Variants in PXK observed in about 807,000 individuals in gnomAD.
PXK encodes the protein PX domain containing serine/threonine kinase like, also known as PX domain-containing protein kinase-like protein.
In PXK, 35 loss-of-function variants were observed where a neutral mutation model predicts 84.7. The observed-to-expected ratio is 0.41, with a 90% CI of 0.32 to 0.55. The LOEUF is 0.55. Ranked by LOEUF, PXK falls within the 20% of genes least tolerant of loss-of-function variation. The pLI is 0.21. For synonymous variants in PXK, 253 were observed against 260.8 expected, an observed-to-expected ratio of 0.97 and a Z score of 0.29; for missense variants, 634 against 699.7, an observed-to-expected ratio of 0.91 and a Z score of 1.06.
Position 58,425,279 on chromosome 3 carries a change from C to A in PXK, c.*319C>A. Reference sequence around the variant, plus strand: ...CAACTAAAGGAAATAGACAGAAAAACAATGACAATATTCAATCACAGCAGT... The same window carrying A: ...CAACTAAAGGAAATAGACAGAAAAAAAATGACAATATTCAATCACAGCAGT... On this transcript the variant is annotated 3_prime_UTR_variant, in exon 18 of 18. Coordinates refer to ENST00000356151, the MANE Select transcript of PXK (RefSeq NM_017771.5). 1 of 295,678 alleles carries A rather than the reference C, an allele frequency of 3.4e-6. No homozygotes were observed. Among genetic ancestry groups the A allele is most frequent in the Non-Finnish European group, 6.5e-6 (1 of 153,848 alleles). 18.3% of individuals were successfully genotyped at this position (295,678 alleles called of 1,614,324 possible).
rs1427711948 is a variant in PXK, at chr3:58,407,111, T to G, written c.1231-1813T>G. ...AATTCCTCATATGGTAGTTCCATTTTGTAGTTTTTTGAGTCACCTCCATAC... is the reference window on the plus strand; with the variant it reads ...AATTCCTCATATGGTAGTTCCATTTGGTAGTTTTTTGAGTCACCTCCATAC... On this transcript the variant is annotated intron_variant, in intron 13 of 17. Transcript: ENST00000356151. This position sits in a 1 kb window ranked among gnomAD's most constrained non-coding sequence, Gnocchi z 4.3. Among the ~76,000 whole-genome samples, 1 of 152,228 alleles carries G rather than the reference T, an allele frequency of 6.6e-6. No homozygotes were observed. The highest frequency in any genetic ancestry group is 1.5e-5 in the Non-Finnish European group (1 of 68,042).
At chr3:58,396,941 G>T in intron 9 of PXK, 98 bp from the exon 10 acceptor site, 1 of 1,314,134 alleles carries the variant, frequency 7.6e-7, no homozygotes, top group South Asian at 1.5e-5. Flanking sequence ...GACCTGTTTG[G>T]TTTTGTTTCA....
chr3:58,357,742 G>A (rs2098115953), intron 1 of PXK, among the ~76,000 whole-genome samples: 1 of 152,112 alleles, frequency 6.6e-6, no homozygotes, highest in Admixed American at 6.6e-5. Context: ...TTGAGGTAAG[G>A]AGTTACAGAC....
Position 58,397,524 on chromosome 3 carries a change from C to T in PXK, c.985-81C>T. The T allele has an allele frequency of 3.3e-6, 4 of 1,208,068 alleles. No homozygotes were observed. Among genetic ancestry groups the T allele is most frequent in the Non-Finnish European group, 4.9e-6 (4 of 815,056 alleles). 74.8% of individuals were successfully genotyped at this position (1,208,068 alleles called of 1,614,324 possible). ...GGGGCTATCCCTGGGCTTTGTTTCT[C>T]AGAGAAGCCTTGGGGCAGGAGCGCG... On this transcript the variant is annotated intron_variant, in intron 10 of 17. Transcript: ENST00000356151. The surrounding 1 kb of genome is among the most constrained non-coding windows in gnomAD (Gnocchi z 4.7).
intron 3 of PXK, among the ~76,000 whole-genome samples, chr3:58,372,427 A>G (rs1189833869): frequency 1.3e-5 from 2 of 151,704 alleles, no homozygotes; most frequent in Non-Finnish European, 1.5e-5. Context: ...GGTTCACCTC[A>G]TTCTCCTGCC....
rs2060393326 is a variant in PXK, at chr3:58,412,789, C to T, written c.1466-112C>T. The T allele has an allele frequency of 1.9e-6, 2 of 1,077,730 alleles. No individual in the cohort carries two copies. Among genetic ancestry groups the T allele is most frequent in the Non-Finnish European group, 2.9e-6 (2 of 699,080 alleles). 66.8% of individuals were successfully genotyped at this position (1,077,730 alleles called of 1,614,324 possible). ...TCCCTCATCATCTTGTTTCACAAGGCTCACACACTAAGCCAAATGTAGATT... is the reference window on the plus strand; with the variant it reads ...TCCCTCATCATCTTGTTTCACAAGGTTCACACACTAAGCCAAATGTAGATT... On this transcript the variant is annotated intron_variant, in intron 16 of 17. Coordinates refer to ENST00000356151, the MANE Select transcript of PXK (RefSeq NM_017771.5). This position sits in a 1 kb window ranked among gnomAD's most constrained non-coding sequence, Gnocchi z 6.2.
intron 1 of PXK, among the ~76,000 whole-genome samples, chr3:58,344,540 T>C (rs2097784835): frequency 6.6e-6 from 1 of 152,066 alleles, no homozygotes; most frequent in Non-Finnish European, 1.5e-5. Context: ...AGACAAGTGG[T>C]CGGCTGGGCA....
In PXK at chr3:58,412,969, T is replaced by C; in HGVS notation, c.1528+6T>C. On this transcript the variant is annotated splice_donor_region_variant and intron_variant, in intron 17 of 17. Coordinates refer to ENST00000356151, the MANE Select transcript of PXK (RefSeq NM_017771.5). This position sits in a 1 kb window ranked among gnomAD's most constrained non-coding sequence, Gnocchi z 6.2. ...AACTCCACCCTCTACATCAGGTTAGTGATGGAGTAAAGTGACATGCCACCT... is the reference window on the plus strand; with the variant it reads ...AACTCCACCCTCTACATCAGGTTAGCGATGGAGTAAAGTGACATGCCACCT... 1.9e-6 allele frequency: 3 copies of C among 1,613,936 alleles called. No homozygotes were observed. The highest frequency in any genetic ancestry group is 2.5e-6 in the Non-Finnish European group (3 of 1,179,888).
intron 17 of PXK, among the ~76,000 whole-genome samples, chr3:58,415,902 G>A (rs899411225): frequency 2.8e-4 from 43 of 152,172 alleles, no homozygotes; most frequent in African/African-American, 9.9e-4. Context: ...TAAAAGGGCG[G>A]GACATCTTGG....
intron 3 of PXK, among the ~76,000 whole-genome samples, chr3:58,372,330 C>CTT (rs539596327): frequency 2.0e-5 from 3 of 148,780 alleles, no homozygotes; most frequent in Non-Finnish European, 4.5e-5. Flanking sequence ...GCTGCTTTTT[C>CTT]TTTTTTTTTT....
At chr3:58,387,049 C>T (rs1175507520) in intron 4 of PXK, among the ~76,000 whole-genome samples, 1 of 152,178 alleles carries the variant, frequency 6.6e-6, no homozygotes, top group African/African-American at 2.4e-5. Context: ...AGCTCCAGTC[C>T]TAGAGGAGTC....
intron 1 of PXK, among the ~76,000 whole-genome samples, chr3:58,345,198 G>T (rs1177902764): frequency 6.6e-6 from 1 of 152,172 alleles, no homozygotes; most frequent in Non-Finnish European, 1.5e-5. Flanking sequence ...AGGCTGGTCA[G>T]GTCCTCCCTG....
chr3:58,335,725 A>G (rs1050073072), intron 1 of PXK, among the ~76,000 whole-genome samples: 5 of 152,058 alleles, frequency 3.3e-5, no homozygotes, highest in African/African-American at 9.7e-5. Flanking sequence ...ACCTTAATAC[A>G]GGTCTGAGCT....
intron 3 of PXK, among the ~76,000 whole-genome samples, chr3:58,378,564 C>T (rs1327521029): frequency 2.6e-5 from 3 of 114,122 alleles, no homozygotes; most frequent in Admixed American, 1.2e-4. Context: ...GACGAAGTTT[C>T]GCTCTTGTTG....
At chr3:58,349,919 C>T (rs1207117305) in intron 1 of PXK, among the ~76,000 whole-genome samples, 1 of 152,146 alleles carries the variant, frequency 6.6e-6, no homozygotes, top group Admixed American at 6.5e-5. Flanking sequence ...AGCCCTGCAG[C>T]CATTGGGGTT....
Position 58,399,074 on chromosome 3 carries a change from C to T in PXK, c.1103-225C>T, listed in dbSNP as rs530161666. On this transcript the variant is annotated intron_variant, in intron 11 of 17. Coordinates refer to ENST00000356151, the MANE Select transcript of PXK (RefSeq NM_017771.5). This position sits in a 1 kb window ranked among gnomAD's most constrained non-coding sequence, Gnocchi z 4.3. ...TTATCTTTGAAATATATTTAGCTTTCTGTCAGCATGTAGTTTCTAAACCAT... is the reference window on the plus strand; with the variant it reads ...TTATCTTTGAAATATATTTAGCTTTTTGTCAGCATGTAGTTTCTAAACCAT... 6.6e-6 allele frequency among the ~76,000 whole-genome samples: 1 copy of T among 152,304 alleles called. No homozygotes were observed. Among genetic ancestry groups the T allele is most frequent in the East Asian group, 1.9e-4 (1 of 5,188 alleles).
intron 1 of PXK, among the ~76,000 whole-genome samples, chr3:58,361,295 CAAAAAA>C (rs149879171): frequency 1.5e-5 from 1 of 64,764 alleles, no homozygotes; most frequent in East Asian, 4.1e-4. Flanking sequence ...GACTCTGTCT[CAAAAAA>C]AAAAAAAAAA....
At position 58,407,438 on chromosome 3, in the gene PXK, T is replaced by G. The variant is rs1011315511; in HGVS notation, c.1231-1486T>G. 1.2e-4 allele frequency among the ~76,000 whole-genome samples: 18 copies of G among 152,188 alleles called. No homozygotes were observed. Among genetic ancestry groups the G allele is most frequent in the African/African-American group, 3.9e-4 (16 of 41,460 alleles). On this transcript the variant is annotated intron_variant, in intron 13 of 17. Coordinates refer to ENST00000356151, the MANE Select transcript of PXK (RefSeq NM_017771.5). The surrounding 1 kb of genome is among the most constrained non-coding windows in gnomAD (Gnocchi z 4.3). ...TGAGTTGTTGGAGTTCCTTTATATA[T>G]TCTGGATATTAACCCCTTATCAGAC...
At position 58,396,663 on chromosome 3, in the gene PXK, G is replaced by A. The variant is rs116586027; in HGVS notation, c.823-376G>A. ...TTTCTGAATTACTGGCAGAAGCACTGATAAGATAGCTTCACTCATCTATGC... is the reference window on the plus strand; with the variant it reads ...TTTCTGAATTACTGGCAGAAGCACTAATAAGATAGCTTCACTCATCTATGC... On this transcript the variant is annotated intron_variant, in intron 9 of 17. Coordinates refer to ENST00000356151, the MANE Select transcript of PXK (RefSeq NM_017771.5). Among the ~76,000 whole-genome samples the A allele has an allele frequency of 2.8e-3, 430 of 152,348 alleles. 1 individual carries two copies. The highest frequency in any genetic ancestry group is 0.01 in the African/African-American group (417 of 41,566).
Sources: allele counts gnomAD v4.1 joint callset (sites outside exome capture counted in the v4.1 genomes callset), GRCh38; gene constraint gnomAD v4.1.1; non-coding constraint Gnocchi (gnomAD v3.1); transcripts MANE v1.5; gene names NCBI Gene and HGNC (gene_info 2026-07-23, HGNC 2026-07-21).